MAST4: variants seen among roughly 807,000 people sequenced by gnomAD.
The protein encoded by MAST4 is microtubule associated serine/threonine kinase family member 4.
MAST4 carries 89 observed loss-of-function variants against 162.7 expected under a neutral mutation model. The ratio of observed to expected loss-of-function variants is 0.55; its 90% confidence interval spans 0.46 to 0.65. The LOEUF is 0.65. Ranked by LOEUF, MAST4 falls within the 30% of genes least tolerant of loss-of-function variation. MAST4 has a pLI of 0.00. For missense variants in MAST4, 3,153 were observed against 3,374.0 expected (o/e 0.93, Z 1.62); for synonymous variants, 1,479 against 1,361.1 (o/e 1.09, Z -1.91).
At chr5:67,076,587 T>TGAAAAGTGGGA (rs1761674205) in intron 5 of MAST4, among the ~76,000 whole-genome samples, 1 of 152,188 alleles carries the variant, frequency 6.6e-6, no homozygotes, top group Non-Finnish European at 1.5e-5. Flanking sequence ...ACTTTCCCTC[T>TGAAAAGTGGGA]GAAAAGTGTT....
intron 3 of MAST4, chr5:66,828,966 C>T: frequency 4.6e-6 from 5 of 1,098,800 alleles, no homozygotes; most frequent in Admixed American, 2.0e-5. Context: ...CATTCCTTTA[C>T]TGGGCACGAA....
intron 15 of MAST4, among the ~76,000 whole-genome samples, chr5:67,131,514 G>A (rs1224014031): frequency 6.6e-6 from 1 of 152,128 alleles, no homozygotes; most frequent in Non-Finnish European, 1.5e-5. Flanking sequence ...TTTTATGCTG[G>A]TGTATTTTAA....
At position 66,629,119 on chromosome 5, in the gene MAST4, G is replaced by A. The variant is rs142714575; in HGVS notation, c.363+32101G>A. ...GTTGAGTGGGAGAGTGCAGGCTGAGGTCTTTCGGAAATTGAGCCTGCATTG... is the reference window on the plus strand; with the variant it reads ...GTTGAGTGGGAGAGTGCAGGCTGAGATCTTTCGGAAATTGAGCCTGCATTG... On this transcript the variant is annotated intron_variant, in intron 1 of 28. Transcript: ENST00000403625. Among the ~76,000 whole-genome samples, 265 of 152,304 alleles carry A rather than the reference G, an allele frequency of 1.7e-3. 2 individuals carry two copies. The highest frequency in any genetic ancestry group is 6.2e-3 in the African/African-American group (256 of 41,582).
intron 1 of MAST4, among the ~76,000 whole-genome samples, chr5:66,672,874 C>T (rs1461095293): frequency 6.6e-6 from 1 of 152,184 alleles, no homozygotes; most frequent in African/African-American, 2.4e-5. Context: ...CCTGATTGAT[C>T]TCTCTAGTGG....
chr5:66,771,756 CTT>C (rs201095408), intron 2 of MAST4, among the ~76,000 whole-genome samples: 4 of 143,496 alleles, frequency 2.8e-5, no homozygotes, highest in Admixed American at 7.0e-5. Context: ...TGGTTTCGGG[CTT>C]TTTTTTTTTT....
intron 1 of MAST4, among the ~76,000 whole-genome samples, chr5:66,633,468 G>T (rs1415829676): frequency 2.6e-5 from 4 of 152,166 alleles, no homozygotes; most frequent in African/African-American, 9.7e-5. Context: ...AGACTGGTCT[G>T]CAGGTTATAG....
chr5:66,699,269 A>C (rs1372845138), intron 1 of MAST4, among the ~76,000 whole-genome samples: 2 of 152,144 alleles, frequency 1.3e-5, no homozygotes, highest in African/African-American at 4.8e-5. Context: ...TTATCATTTA[A>C]TTCTCAGTCA....
At position 67,069,287 on chromosome 5, in the gene MAST4, G is replaced by GAGAT. The variant is rs138978370; in HGVS notation, c.763+14796_763+14797insGATA. On this transcript the variant is annotated intron_variant, in intron 5 of 28. Transcript: ENST00000403625. ...CCTTTTCTGTTAAAGGAGGAGATTGGATATATATATATATATATATATATA... is the reference window on the plus strand; with the variant it reads ...CCTTTTCTGTTAAAGGAGGAGATTGGAGATATATATATATATATATATATATATA... Among the ~76,000 whole-genome samples the GAGAT allele has an allele frequency of 9.3e-5, 10 of 107,634 alleles. 1 individual carries two copies. Among genetic ancestry groups the GAGAT allele is most frequent in the East Asian group, 4.6e-4 (2 of 4,394 alleles). The allele number at this position is 107,634 out of a possible 152,430, so 70.6% of individuals were successfully genotyped here.
chr5:66,790,100 T>C (rs1755327511), intron 3 of MAST4, among the ~76,000 whole-genome samples: 1 of 151,190 alleles, frequency 6.6e-6, no homozygotes, highest in African/African-American at 2.4e-5. Context: ...GGTAGGGTTG[T>C]ATGATATGGA....
chr5:67,159,217 TAAAC>T (rs1772909510), intron 26 of MAST4, among the ~76,000 whole-genome samples: 2 of 152,288 alleles, frequency 1.3e-5, no homozygotes, highest in South Asian at 2.1e-4. Context: ...AAGCTGTAAA[TAAAC>T]TGAGATTTAA....
chr5:66,695,019 T>G (rs1749307310), intron 1 of MAST4, among the ~76,000 whole-genome samples: 1 of 152,198 alleles, frequency 6.6e-6, no homozygotes, highest in African/African-American at 2.4e-5. Context: ...GCTCTTTAGT[T>G]TAATTAGGTC....
chr5:67,069,615 G>C (rs912110451), intron 5 of MAST4, among the ~76,000 whole-genome samples: 2 of 152,154 alleles, frequency 1.3e-5, no homozygotes, highest in African/African-American at 4.8e-5. Flanking sequence ...TCTGAGGATG[G>C]ATGTGCCCTT....
At chr5:66,693,884 C>T (rs1749222346) in intron 1 of MAST4, among the ~76,000 whole-genome samples, 3 of 152,050 alleles carry the variant, frequency 2.0e-5, no homozygotes. Context: ...TTGTAGTGAT[C>T]ACACAAAAAA....
At chr5:66,802,222 A>G (rs1755957277) in intron 3 of MAST4, among the ~76,000 whole-genome samples, 1 of 152,166 alleles carries the variant, frequency 6.6e-6, no homozygotes. Flanking sequence ...CTATTCTTTC[A>G]AATATCATTT....
chr5:66,878,618 A>AT (rs748700135), intron 3 of MAST4, among the ~76,000 whole-genome samples: 1 of 152,194 alleles, frequency 6.6e-6, no homozygotes, highest in Non-Finnish European at 1.5e-5. Flanking sequence ...GCAATGCAAG[A>AT]TTTCTCAGGG....
rs540872622 is a variant in MAST4, at chr5:66,718,007, T to C, written c.364-41702T>C. Among the ~76,000 whole-genome samples, 12 of 152,232 alleles carry C rather than the reference T, an allele frequency of 7.9e-5. No homozygotes were observed. The South Asian group carries it at 1.7e-3, about 21-fold the overall frequency. On this transcript the variant is annotated intron_variant, in intron 1 of 28. Coordinates refer to ENST00000403625, the MANE Select transcript of MAST4 (RefSeq NM_001164664.2). ...GAGTTCTCACTGGGACATGAGGGAC[T>C]GCGTTTCAGCTGTGACAGTATTTTG...
chr5:66,960,129 T>C (rs1745829462), intron 4 of MAST4, among the ~76,000 whole-genome samples: 4 of 152,218 alleles, frequency 2.6e-5, no homozygotes, highest in Admixed American at 2.6e-4. Context: ...GATATAAAAT[T>C]ACATTTCAGT....
chr5:66,834,975 A>G (rs1312072117), intron 3 of MAST4, among the ~76,000 whole-genome samples: 2 of 152,114 alleles, frequency 1.3e-5, no homozygotes, highest in Admixed American at 6.5e-5. Flanking sequence ...GAGACCTCTT[A>G]CCATTTATCT....
intron 2 of MAST4, among the ~76,000 whole-genome samples, chr5:66,768,832 C>T (rs570233530): frequency 6.6e-6 from 1 of 151,974 alleles, no homozygotes; most frequent in African/African-American, 2.4e-5. Flanking sequence ...GCATGTATAT[C>T]TATAATTATA....
Sources: allele counts gnomAD v4.1 joint callset (sites outside exome capture counted in the v4.1 genomes callset), GRCh38; gene constraint gnomAD v4.1.1; transcripts MANE v1.5; gene names NCBI Gene and HGNC (gene_info 2026-07-23, HGNC 2026-07-21).